Variants in MACROD2 observed in about 807,000 individuals in gnomAD.
MACROD2 encodes the protein ADP-ribose glycohydrolase MACROD2.
MACROD2 carries 36 observed loss-of-function variants against 70.4 expected under a neutral mutation model. That is an observed-to-expected ratio of 0.51 (90% confidence interval 0.39 to 0.68). MACROD2 has a LOEUF of 0.68. MACROD2 is among the 30% of genes least tolerant of loss of function. The pLI is 0.00. For missense variants in MACROD2, 496 were observed against 538.4 expected (o/e 0.92, Z 0.78); for synonymous variants, 172 against 178.8 (o/e 0.96, Z 0.30).
At chr20:14,316,965 A>T (rs1432571286) in intron 3 of MACROD2, among the ~76,000 whole-genome samples, 4 of 152,040 alleles carry the variant, frequency 2.6e-5, no homozygotes, top group African/African-American at 9.7e-5. Flanking sequence ...CTGCCCTCTT[A>T]AAAACTGCCC....
chr20:14,273,863 A>G (rs2082223609), intron 3 of MACROD2, among the ~76,000 whole-genome samples: 1 of 152,164 alleles, frequency 6.6e-6, no homozygotes. Flanking sequence ...AATACTACAA[A>G]CACCTCTACG....
chr20:15,801,366 C>T (rs998397870), intron 8 of MACROD2, among the ~76,000 whole-genome samples: 7 of 151,814 alleles, frequency 4.6e-5, no homozygotes, highest in East Asian at 1.9e-4. Flanking sequence ...CAGGTATGAC[C>T]GTCACAGCCA....
chr20:15,507,213 C>T (rs909732784), intron 8 of MACROD2, among the ~76,000 whole-genome samples: 3 of 151,764 alleles, frequency 2.0e-5, no homozygotes, highest in Non-Finnish European at 4.4e-5. Context: ...TTCTCTCTAC[C>T]TCTTTATTTT....
chr20:14,572,417 G>A (rs1980253604), intron 4 of MACROD2, among the ~76,000 whole-genome samples: 1 of 152,008 alleles, frequency 6.6e-6, no homozygotes, highest in African/African-American at 2.4e-5. Flanking sequence ...ATGAACAGCA[G>A]TGTTACTCCT....
chr20:14,772,621 G>A lies in MACROD2; in HGVS notation c.418+87662G>A, dbSNP rs1362903908. ...TTCCACTGAGTCCCTCCCATAACAC[G>A]TGGGAATTATGGGAGCTACAAGATG... On this transcript the variant is annotated intron_variant, in intron 5 of 17. Transcript: ENST00000684519. Among the ~76,000 whole-genome samples the A allele has an allele frequency of 7.9e-5, 12 of 152,154 alleles. No individual in the cohort carries two copies. In the South Asian group the frequency reaches 1.5e-3, roughly 18 times the overall value.
At chr20:14,022,025 G>A (rs957640071) in intron 2 of MACROD2, among the ~76,000 whole-genome samples, 3 of 152,118 alleles carry the variant, frequency 2.0e-5, no homozygotes, top group African/African-American at 7.2e-5. Context: ...TCAGTCATAC[G>A]GCCATATTTA....
chr20:14,459,060 A>G (rs2084336721), intron 3 of MACROD2, among the ~76,000 whole-genome samples: 2 of 152,056 alleles, frequency 1.3e-5, no homozygotes, highest in Admixed American at 1.3e-4. Context: ...ACTTTAATAA[A>G]TATTAATTTA....
intron 5 of MACROD2, among the ~76,000 whole-genome samples, chr20:15,078,928 G>A (rs1391136808): frequency 6.6e-6 from 1 of 152,048 alleles, no homozygotes; most frequent in Non-Finnish European, 1.5e-5. Flanking sequence ...TTATAGGCAT[G>A]AGCCACCATG....
intron 5 of MACROD2, among the ~76,000 whole-genome samples, chr20:14,728,435 G>C (rs998865707): frequency 6.6e-6 from 1 of 151,968 alleles, no homozygotes; most frequent in Non-Finnish European, 1.5e-5. Flanking sequence ...ATTTTATATA[G>C]CATACGTAAT....
At chr20:15,428,773 A>AT (rs762619068) in intron 6 of MACROD2, among the ~76,000 whole-genome samples, 2 of 151,890 alleles carry the variant, frequency 1.3e-5, no homozygotes, top group East Asian at 3.9e-4. Flanking sequence ...TTTGTATTGT[A>AT]TTTTTTTTCT....
chr20:15,096,071 C>G (rs1004770339), intron 5 of MACROD2, among the ~76,000 whole-genome samples: 1 of 152,010 alleles, frequency 6.6e-6, no homozygotes. Context: ...ACAATTTGGA[C>G]TTTATGCAGG....
At chr20:15,448,110 G>T (rs951210642) in intron 7 of MACROD2, among the ~76,000 whole-genome samples, 1 of 152,104 alleles carries the variant, frequency 6.6e-6, no homozygotes, top group African/African-American at 2.4e-5. Flanking sequence ...TGCTTGGAAG[G>T]TAGAAGGCAG....
At chr20:15,421,857 G>A (rs911164534) in intron 6 of MACROD2, among the ~76,000 whole-genome samples, 2 of 152,204 alleles carry the variant, frequency 1.3e-5, no homozygotes, top group Non-Finnish European at 2.9e-5. Context: ...GGTGATGGGA[G>A]TTGTAAAGAG....
At position 14,089,849 on chromosome 20, in the gene MACROD2, A is replaced by G. The variant is rs147806430; in HGVS notation, c.271+4121A>G. ...AAACTTCTCCCAATGGTGGCTTTGTATATAGCTATAGTACAATATCAAAAG... is the reference window on the plus strand; with the variant it reads ...AAACTTCTCCCAATGGTGGCTTTGTGTATAGCTATAGTACAATATCAAAAG... On this transcript the variant is annotated intron_variant, in intron 3 of 17. Transcript: ENST00000684519. 9.2e-5 allele frequency among the ~76,000 whole-genome samples: 14 copies of G among 152,348 alleles called. No individual in the cohort carries two copies. The East Asian group carries it at 2.7e-3, about 29-fold the overall frequency.
At chr20:14,027,245 C>G (rs896394535) in intron 2 of MACROD2, among the ~76,000 whole-genome samples, 1 of 151,968 alleles carries the variant, frequency 6.6e-6, no homozygotes, top group Non-Finnish European at 1.5e-5. Flanking sequence ...TCCGCTTGAT[C>G]GATTCGGCTA....
intron 3 of MACROD2, among the ~76,000 whole-genome samples, chr20:14,379,727 T>G (rs1453263681): frequency 6.6e-6 from 1 of 152,166 alleles, no homozygotes; most frequent in Non-Finnish European, 1.5e-5. Flanking sequence ...CTTTTGTGTC[T>G]GGCTCATTTT....
At chr20:15,316,083 GAAGT>G (rs2077807213) in intron 6 of MACROD2, among the ~76,000 whole-genome samples, 1 of 135,764 alleles carries the variant, frequency 7.4e-6, no homozygotes, top group Admixed American at 7.4e-5. Flanking sequence ...AAATAAGGAA[GAAGT>G]AATAATGGCA....
intron 3 of MACROD2, among the ~76,000 whole-genome samples, chr20:14,118,236 A>G (rs2054539185): frequency 6.6e-6 from 1 of 152,144 alleles, no homozygotes; most frequent in African/African-American, 2.4e-5. Context: ...TTCTTCATAT[A>G]ATTGCATCTA....
chr20:14,783,727 G>GA (rs2072330104), intron 5 of MACROD2, among the ~76,000 whole-genome samples: 1 of 152,036 alleles, frequency 6.6e-6, no homozygotes, highest in African/African-American at 2.4e-5. Context: ...GTGAAATAAG[G>GA]AAGAAAAGCC....
Sources: allele counts gnomAD v4.1 joint callset (sites outside exome capture counted in the v4.1 genomes callset), GRCh38; gene constraint gnomAD v4.1.1; transcripts MANE v1.5; gene names NCBI Gene and HGNC (gene_info 2026-07-23, HGNC 2026-07-21).